Variants in DYNC1I1 observed in about 807,000 individuals in gnomAD.
DYNC1I1 encodes the protein dynein cytoplasmic 1 intermediate chain 1, also known as cytoplasmic dynein 1 intermediate chain 1.
Under a neutral mutation model 86.6 loss-of-function variants are expected in DYNC1I1, and 43 were observed. That is an observed-to-expected ratio of 0.50 (90% CI 0.39 to 0.64). DYNC1I1 has a LOEUF of 0.64. DYNC1I1 is among the 30% of genes least tolerant of loss of function. The probability of loss-of-function intolerance (pLI) is 0.00; values close to 1 mark genes in which losing one functional copy is unlikely to be tolerated. For synonymous variants in DYNC1I1, 262 were observed against 283.7 expected (o/e 0.92, Z 0.77); for missense variants, 604 against 788.8 (o/e 0.77, Z 2.81).
chr7:95,779,835 A>T lies in DYNC1I1; in HGVS notation c.-10+7062A>T, dbSNP rs182589501. Among the ~76,000 whole-genome samples the T allele has an allele frequency of 2.4e-3, 365 of 152,296 alleles. 8 individuals carry two copies. The highest frequency in any genetic ancestry group is 0.02 in the Admixed American group (312 of 15,284). ...ATTCACTTCCTGAAATGTAGCGCCC[A>T]TTTTGTGTCTGTGCCCAAGATGAAT... On this transcript the variant is annotated intron_variant, in intron 1 of 16. Transcript: ENST00000447467.
At chr7:95,993,146 G>C (rs1171861534) in intron 9 of DYNC1I1, among the ~76,000 whole-genome samples, 1 of 152,052 alleles carries the variant, frequency 6.6e-6, no homozygotes, top group Non-Finnish European at 1.5e-5. Context: ...AATATGACTA[G>C]TCATGTTCAA....
At position 96,032,843 on chromosome 7, in the gene DYNC1I1, A is replaced by G. The variant is rs1794845559; in HGVS notation, c.1230+63A>G. On this transcript the variant is annotated intron_variant, in intron 12 of 16. Transcript: ENST00000447467. The stretch of plus-strand genomic sequence containing the variant: ...TTAAAAGAGATACCTACTTAATGGA[A>G]CATAGTTCCTAAAAGCCAAACCCTC... The G allele has an allele frequency of 9.9e-6, 14 of 1,410,582 alleles. 1 individual carries two copies. The highest frequency in any genetic ancestry group is 1.4e-5 in the Non-Finnish European group (14 of 1,005,178). The allele number at this position is 1,410,582 out of a possible 1,614,324, so 87.4% of individuals were successfully genotyped here. A position where few individuals can be genotyped will look rare whatever the true frequency, so the allele number is the denominator to read the frequency against.
chr7:95,948,627 T>C (rs750662850), intron 6 of DYNC1I1, among the ~76,000 whole-genome samples: 1 of 152,180 alleles, frequency 6.6e-6, no homozygotes, highest in Non-Finnish European at 1.5e-5. Context: ...GTAGAAATAA[T>C]ATCAAAGCTA....
At chr7:95,898,290 G>C (rs1453831362) in intron 6 of DYNC1I1, among the ~76,000 whole-genome samples, 1 of 152,200 alleles carries the variant, frequency 6.6e-6, no homozygotes, top group African/African-American at 2.4e-5. Flanking sequence ...ATCCCGTAGA[G>C]TTTTCAGCCA....
intron 6 of DYNC1I1, among the ~76,000 whole-genome samples, chr7:95,957,443 CT>C (rs1792746456): frequency 6.6e-6 from 1 of 151,678 alleles, no homozygotes; most frequent in South Asian, 2.1e-4. Context: ...TCTTTATCCC[CT>C]CCTCCTCCTC....
At chr7:95,905,840 C>T (rs1405926749) in intron 6 of DYNC1I1, among the ~76,000 whole-genome samples, 3 of 152,092 alleles carry the variant, frequency 2.0e-5, no homozygotes, top group Non-Finnish European at 4.4e-5. Context: ...ATAAAAGTAG[C>T]TCTCTCTCAT....
At chr7:96,050,604 C>A (rs953477329) in intron 14 of DYNC1I1, among the ~76,000 whole-genome samples, 3 of 152,112 alleles carry the variant, frequency 2.0e-5, no homozygotes, top group Non-Finnish European at 4.4e-5. Context: ...CTAAACAATA[C>A]CCTTTCCCAT....
At chr7:95,904,026 A>T (rs946928041) in intron 6 of DYNC1I1, among the ~76,000 whole-genome samples, 1 of 152,172 alleles carries the variant, frequency 6.6e-6, no homozygotes, top group African/African-American at 2.4e-5. Flanking sequence ...GCAACATTTT[A>T]TGGCTAGATC....
chr7:95,950,607 A>G (rs1792526385), intron 6 of DYNC1I1, among the ~76,000 whole-genome samples: 1 of 152,134 alleles, frequency 6.6e-6, no homozygotes, highest in South Asian at 2.1e-4. Flanking sequence ...GACATCTGCA[A>G]CTCTCATGGC....
chr7:95,880,640 C>CTTT (rs142182653), intron 6 of DYNC1I1, among the ~76,000 whole-genome samples: 3 of 92,540 alleles, frequency 3.2e-5, no homozygotes, highest in African/African-American at 1.2e-4. Flanking sequence ...CATCTTCTTA[C>CTTT]TTTTTTTTTT....
intron 16 of DYNC1I1, among the ~76,000 whole-genome samples, chr7:96,088,311 G>A (rs537476470): frequency 6.6e-6 from 1 of 152,072 alleles, no homozygotes; most frequent in South Asian, 2.1e-4. Flanking sequence ...AAATTAATGT[G>A]TGTATAGTAA....
intron 10 of DYNC1I1, among the ~76,000 whole-genome samples, chr7:96,014,953 A>G (rs544260982): frequency 6.6e-6 from 1 of 152,228 alleles, no homozygotes; most frequent in East Asian, 1.9e-4. Context: ...GTTTCATATT[A>G]TTCCTGGCTC....
chr7:95,956,681 C>T (rs1792724573), intron 6 of DYNC1I1, among the ~76,000 whole-genome samples: 2 of 152,142 alleles, frequency 1.3e-5, no homozygotes, highest in South Asian at 4.1e-4. Flanking sequence ...TGGTTTCCAG[C>T]TTCATCCATG....
chr7:96,075,746 C>T (rs1295987605), intron 14 of DYNC1I1, among the ~76,000 whole-genome samples: 1 of 152,128 alleles, frequency 6.6e-6, no homozygotes, highest in South Asian at 2.1e-4. Flanking sequence ...CGTTGCCGGG[C>T]GAGAATTCCG....
intron 6 of DYNC1I1, among the ~76,000 whole-genome samples, chr7:95,922,482 C>T (rs930432407): frequency 2.0e-5 from 3 of 152,072 alleles, no homozygotes; most frequent in African/African-American, 4.8e-5. Context: ...TGGCATTTAC[C>T]ATAAGAGAAA....
At chr7:95,924,454 G>C (rs1407989630) in intron 6 of DYNC1I1, among the ~76,000 whole-genome samples, 1 of 152,118 alleles carries the variant, frequency 6.6e-6, no homozygotes, top group South Asian at 2.1e-4. Context: ...ATTGTTATTA[G>C]AGTATATTAT....
At chr7:96,039,847 T>G (rs7804847) in intron 14 of DYNC1I1, among the ~76,000 whole-genome samples, 35,262 of 151,054 alleles carry the variant, frequency 0.23, 4,240 homozygotes, top group East Asian at 0.32. Flanking sequence ...GGGACTTGGG[T>G]TTTTTTTTGT....
chr7:96,064,672 G>A (rs146020500), intron 14 of DYNC1I1, among the ~76,000 whole-genome samples: 1 of 152,174 alleles, frequency 6.6e-6, no homozygotes, highest in Non-Finnish European at 1.5e-5. Flanking sequence ...CCATTTGAGA[G>A]AGTAGAGGTT....
intron 6 of DYNC1I1, among the ~76,000 whole-genome samples, chr7:95,913,759 G>A (rs1038343299): frequency 1.3e-5 from 2 of 152,206 alleles, no homozygotes; most frequent in East Asian, 1.9e-4. Context: ...TTTGGATTAT[G>A]AGTCTGATTT....
Sources: gnomAD v4.1 joint callset for allele counts (sites outside exome capture counted in the v4.1 genomes callset) on GRCh38, gnomAD v4.1.1 for gene constraint, MANE v1.5 for transcripts, NCBI Gene and HGNC (gene_info 2026-07-23, HGNC 2026-07-21) for gene names.